VCL: variants seen among roughly 807,000 people sequenced by gnomAD.
VCL encodes vinculin.
VCL carries 47 observed loss-of-function variants against 125.7 expected under a neutral mutation model. That is an observed-to-expected ratio of 0.37 (90% CI 0.30 to 0.48). The LOEUF (loss-of-function observed/expected upper bound fraction) is 0.48, where lower values mean the gene tolerates loss of function less well. Ranked by LOEUF, VCL falls within the 20% of genes least tolerant of loss-of-function variation. The pLI is 0.99. For missense variants in VCL, 1,069 were observed against 1,455.5 expected (o/e 0.73, Z 4.32); for synonymous variants, 458 against 514.6 (o/e 0.89, Z 1.49).
Position 74,103,934 on chromosome 10 carries a change from GT to G in VCL, c.2131+10del. 1 of 1,612,670 alleles carries G rather than the reference GT, an allele frequency of 6.2e-7. No homozygotes were observed. Among genetic ancestry groups the G allele is most frequent in the South Asian group, 1.1e-5 (1 of 91,038 alleles). On this transcript the variant is annotated splice_region_variant and intron_variant, in intron 15 of 21. Transcript: ENST00000211998. ...TAATGTTGAAAAAATGACAGGTAGA[GT>G]TTTCTATACAAATCTTGTTGTCTAA...
chr10:74,090,115 T>C lies in VCL; in HGVS notation c.1269T>C (p.Asp423=). ...AEARKIAELC[D]DPKERDDILR... ...CTCGGAAAATAGCAGAATTATGTGA[T>C]GATCCTAAAGAAAGAGATGACATTC... The change falls in exon 10 of 22, where the codon GAT becomes GAC. Residue 423 remains aspartate (D), a synonymous_variant. Coordinates refer to ENST00000211998, the MANE Select transcript of VCL (RefSeq NM_014000.3). 1 of 1,614,216 alleles carries C rather than the reference T, an allele frequency of 6.2e-7. No individual in the cohort carries two copies. Among genetic ancestry groups the C allele is most frequent in the Non-Finnish European group, 8.5e-7 (1 of 1,180,034 alleles).
chr10:74,084,331 A>C (rs1839732839), intron 8 of VCL, among the ~76,000 whole-genome samples: 3 of 150,882 alleles, frequency 2.0e-5, no homozygotes, highest in African/African-American at 7.3e-5. Context: ...TCGCTCTGTC[A>C]CCCGGGCTGG....
chr10:74,100,721 G>C (rs1039175503), intron 13 of VCL, among the ~76,000 whole-genome samples: 1 of 152,218 alleles, frequency 6.6e-6, no homozygotes, highest in Admixed American at 6.5e-5. Flanking sequence ...GCGTGTGTGT[G>C]TGAGTGTGTT....
In VCL at chr10:74,094,528, G is replaced by C. The variant is rs1839936647; in HGVS notation, c.1543+67G>C. 4 of 1,553,060 alleles carry C rather than the reference G, an allele frequency of 2.6e-6. No homozygotes were observed. The Admixed American group carries it at 7.6e-5, about 30-fold the overall frequency. On this transcript the variant is annotated intron_variant, in intron 11 of 21. Transcript: ENST00000211998. Reference sequence around the variant, plus strand: ...AGTGCAAATAAGCAAGTTGTTGATAGGGGTCCTGTAACATCTGTAATTAGG... The same window carrying C: ...AGTGCAAATAAGCAAGTTGTTGATACGGGTCCTGTAACATCTGTAATTAGG...
chr10:74,075,102 C>CA, intron 6 of VCL, 199 bp downstream of exon 6: 1 of 667,930 alleles, frequency 1.5e-6, no homozygotes, highest in Non-Finnish European at 2.5e-6. Context: ...TAAGGTAGAA[C>CA]AAGTAAATAG....
chr10:74,081,234 T>G (rs991290844), intron 6 of VCL, among the ~76,000 whole-genome samples: 2 of 152,198 alleles, frequency 1.3e-5, no homozygotes, highest in South Asian at 4.1e-4. Context: ...TGTGTCTGTT[T>G]AGAAGGGGAA....
At chr10:74,112,337 G>T (rs577451718) in intron 19 of VCL, among the ~76,000 whole-genome samples, 1 of 152,160 alleles carries the variant, frequency 6.6e-6, no homozygotes, top group African/African-American at 2.4e-5. Flanking sequence ...AGAGAGATGG[G>T]GGGGGTCACT....
At chr10:74,029,050 C>G (rs1022118006) in intron 1 of VCL, among the ~76,000 whole-genome samples, 1 of 151,856 alleles carries the variant, frequency 6.6e-6, no homozygotes, top group Non-Finnish European at 1.5e-5. Flanking sequence ...AACTCTTGGC[C>G]TCAAGTGATC....
At position 74,114,877 on chromosome 10, in the gene VCL, T is replaced by C. The variant is rs727503742; in HGVS notation, c.3236T>C (p.Ile1079Thr). Residue 1079 changes from isoleucine (I) to threonine (T), a missense_variant, in exon 21 of 22, where the codon ATC becomes ACC. By Grantham distance (89) the Ile-to-Thr change is moderately conservative. Coordinates refer to ENST00000211998, the MANE Select transcript of VCL (RefSeq NM_014000.3). ...VKATMLGRTN[I>T]SDEESEQATE... ...GCCACCATGCTGGGCCGGACCAACA[T>C]CAGTGATGAGGAGTCTGAGCAGGTA... is the stretch of plus-strand genomic sequence containing the variant. 2.5e-6 allele frequency: 4 copies of C among 1,599,904 alleles called. No individual in the cohort carries two copies. The highest frequency in any genetic ancestry group is 1.7e-4 in the Middle Eastern group (1 of 6,036).
intron 1 of VCL, among the ~76,000 whole-genome samples, chr10:74,034,638 C>T (rs1270883585): frequency 2.0e-5 from 3 of 152,188 alleles, no homozygotes; most frequent in East Asian, 1.9e-4. Flanking sequence ...CACAGTGCCT[C>T]CCACATGGGA....
intron 2 of VCL, among the ~76,000 whole-genome samples, chr10:74,070,232 AACTGAAGGATTTCAGTTCT>A (rs1841643203): frequency 6.6e-6 from 1 of 152,158 alleles, no homozygotes; most frequent in African/African-American, 2.4e-5. Context: ...TTCAGCAAAG[AACTGAAGGATTTCAGTTCT>A]TTGTGCAGTG....
At chr10:74,117,043 A>G (rs1840321147) in intron 21 of VCL, among the ~76,000 whole-genome samples, 1 of 152,214 alleles carries the variant, frequency 6.6e-6, no homozygotes, top group South Asian at 2.1e-4. Context: ...TAGAGTACCA[A>G]TGTGATTTCA....
At chr10:73,998,632 A>AT (rs1468841074) in intron 1 of VCL, among the ~76,000 whole-genome samples, 1 of 152,200 alleles carries the variant, frequency 6.6e-6, no homozygotes, top group African/African-American at 2.4e-5. Flanking sequence ...TGTCGTGAAG[A>AT]TATGGCGAGG....
chr10:74,115,847 G>A (rs1840304013), intron 21 of VCL, among the ~76,000 whole-genome samples: 1 of 152,146 alleles, frequency 6.6e-6, no homozygotes, highest in African/African-American at 2.4e-5. Context: ...ATATACCTTG[G>A]CAGTCACCCA....
At chr10:74,074,195 C>T (rs1387104262) in intron 5 of VCL, among the ~76,000 whole-genome samples, 12 of 152,204 alleles carry the variant, frequency 7.9e-5, no homozygotes, top group Admixed American at 3.9e-4. Flanking sequence ...GAGATCACGC[C>T]GAAAGTGTTG....
intron 1 of VCL, among the ~76,000 whole-genome samples, chr10:74,002,633 C>T (rs1840247989): frequency 1.3e-5 from 2 of 151,424 alleles, no homozygotes; most frequent in Admixed American, 1.3e-4. Context: ...CCTGTAATCC[C>T]AGCACTTTGG....
chr10:74,042,333 T>A (rs527910612), intron 1 of VCL, among the ~76,000 whole-genome samples: 1 of 152,244 alleles, frequency 6.6e-6, no homozygotes, highest in Non-Finnish European at 1.5e-5. Context: ...TGAATACTTT[T>A]GTGAATATTG....
Position 74,082,452 on chromosome 10 carries a change from A to G in VCL, c.784-2A>G. 1 of 1,614,176 alleles carries G rather than the reference A, an allele frequency of 6.2e-7. No homozygotes were observed. The highest frequency in any genetic ancestry group is 1.1e-5 in the South Asian group (1 of 91,080). On this transcript the variant is annotated splice_acceptor_variant, in intron 6 of 21. Transcript: ENST00000211998. LOFTEE classifies it high-confidence loss of function. Reference sequence around the variant, plus strand: ...AATAATGGTGGGATTTCTTCCCAAAAGGACACTGAAGCCATGAAGAGAGCA... The same window carrying G: ...AATAATGGTGGGATTTCTTCCCAAAGGGACACTGAAGCCATGAAGAGAGCA...
At chr10:74,046,523 A>G (rs897951607) in intron 2 of VCL, among the ~76,000 whole-genome samples, 1 of 152,228 alleles carries the variant, frequency 6.6e-6, no homozygotes, top group Non-Finnish European at 1.5e-5. Flanking sequence ...GAGTACCGGC[A>G]TGAGCCACTG....
Sources: allele counts gnomAD v4.1 joint callset (sites outside exome capture counted in the v4.1 genomes callset), GRCh38; gene constraint gnomAD v4.1.1; transcripts MANE v1.5; gene names NCBI Gene and HGNC (gene_info 2026-07-23, HGNC 2026-07-21).